PRDM11: variants seen among roughly 807,000 people sequenced by gnomAD.
PRDM11 encodes the protein PR domain-containing protein 11.
PRDM11 carries 20 observed loss-of-function variants against 97.8 expected under a neutral mutation model. That is an observed-to-expected ratio of 0.20 (90% CI 0.14 to 0.30). PRDM11 has a LOEUF of 0.30. PRDM11 is among the 10% of genes least tolerant of loss of function. PRDM11 has a pLI of 1.00. For synonymous variants in PRDM11, 599 were observed against 637.7 expected (o/e 0.94, Z 0.91); for missense variants, 1,139 against 1,555.2 (o/e 0.73, Z 4.50).
At chr11:45,159,829 T>C (rs1401604202) in intron 1 of PRDM11, among the ~76,000 whole-genome samples, 3 of 152,182 alleles carry the variant, frequency 2.0e-5, no homozygotes, top group Admixed American at 6.5e-5. Context: ...TCAGATCCTC[T>C]TAGGGACACA....
intron 1 of PRDM11, among the ~76,000 whole-genome samples, chr11:45,124,272 A>G (rs1852513858): frequency 6.6e-6 from 1 of 152,194 alleles, no homozygotes; most frequent in Non-Finnish European, 1.5e-5. Context: ...TAGATTTACA[A>G]TCATGTCATC....
Position 45,140,731 on chromosome 11 carries a change from T to C in PRDM11, c.97-41030T>C, listed in dbSNP as rs142639790. Among the ~76,000 whole-genome samples, 214 of 151,924 alleles carry C rather than the reference T, an allele frequency of 1.4e-3. 2 individuals are homozygous for C. Among genetic ancestry groups the C allele is most frequent in the East Asian group, 9.3e-3 (48 of 5,172 alleles). On this transcript the variant is annotated intron_variant, in intron 1 of 6. Transcript: ENST00000530656. ...TGAAGGTCTCTCAGGTTTAGGAGTGTGTGGCATTCAGGAGTCTTCCTGGAG... is the reference window on the plus strand; with the variant it reads ...TGAAGGTCTCTCAGGTTTAGGAGTGCGTGGCATTCAGGAGTCTTCCTGGAG...
intron 6 of PRDM11, among the ~76,000 whole-genome samples, chr11:45,222,836 T>C (rs1167954676): frequency 1.3e-5 from 2 of 152,182 alleles, no homozygotes; most frequent in Non-Finnish European, 2.9e-5. Context: ...GTTCAAGTCA[T>C]TGTTCAGCGG....
chr11:45,165,998 C>T lies in PRDM11; in HGVS notation c.-6-15763C>T, dbSNP rs377678349. ...CTGCTGTGCAGCCTTGTTCAAGCCACTTAACCTCTCTGAGCCTCCATTCCT... is the reference window on the plus strand; with the variant it reads ...CTGCTGTGCAGCCTTGTTCAAGCCATTTAACCTCTCTGAGCCTCCATTCCT... On this transcript the variant is annotated intron_variant, in intron 1 of 7. Coordinates refer to ENST00000683152, the MANE Select transcript of PRDM11 (RefSeq NM_001384648.1). 9.2e-5 allele frequency among the ~76,000 whole-genome samples: 14 copies of T among 152,362 alleles called. No homozygotes were observed. The East Asian group carries it at 2.1e-3, about 23-fold the overall frequency.
intron 1 of PRDM11, among the ~76,000 whole-genome samples, chr11:45,173,348 G>A (rs923675907): frequency 1.8e-4 from 27 of 152,124 alleles, no homozygotes; most frequent in Middle Eastern, 3.2e-3. Flanking sequence ...CTGGCTGGGC[G>A]CGGTAGCTCA....
chr11:45,095,902 G>T lies in PRDM11; in HGVS notation c.96+1G>T. ...TCTCTTCCTTTACCAGAGAGAGAAAGTAAGTTGTTTAAGCTGCTAATGTGG... is the reference window on the plus strand; with the variant it reads ...TCTCTTCCTTTACCAGAGAGAGAAATTAAGTTGTTTAAGCTGCTAATGTGG... On this transcript the variant is annotated splice_donor_variant, in intron 1 of 6. Transcript: ENST00000530656. LOFTEE classifies it high-confidence loss of function. 1 of 781,020 alleles carries T rather than the reference G, an allele frequency of 1.3e-6. No individual in the cohort carries two copies. Among genetic ancestry groups the T allele is most frequent in the Non-Finnish European group, 2.4e-6 (1 of 418,114 alleles). 48.4% of individuals were successfully genotyped at this position (781,020 alleles called of 1,614,324 possible). A position where few individuals can be genotyped will look rare whatever the true frequency, so the allele number is the denominator to read the frequency against.
At chr11:45,128,825 A>T (rs1852649586) in intron 1 of PRDM11, among the ~76,000 whole-genome samples, 1 of 152,140 alleles carries the variant, frequency 6.6e-6, no homozygotes, top group Admixed American at 6.5e-5. Flanking sequence ...TATAAACCTG[A>T]TTTTAAAAAT....
chr11:45,148,109 G>T (rs1487693650), intron 1 of PRDM11, among the ~76,000 whole-genome samples: 1 of 152,134 alleles, frequency 6.6e-6, no homozygotes, highest in Non-Finnish European at 1.5e-5. Context: ...CACAGTCTTT[G>T]CCCGCCGACT....
intron 1 of PRDM11, among the ~76,000 whole-genome samples, chr11:45,107,920 C>T (rs1852090964): frequency 6.6e-6 from 1 of 151,626 alleles, no homozygotes; most frequent in Non-Finnish European, 1.5e-5. Flanking sequence ...ACCTCCAACT[C>T]CAGGGTACAA....
In PRDM11 at chr11:45,219,764, G is replaced by A. The variant is rs927392110; in HGVS notation, c.742+7G>A. On this transcript the variant is annotated splice_region_variant and intron_variant, in intron 6 of 7. Transcript: ENST00000683152. This position sits in a 1 kb window ranked among gnomAD's most constrained non-coding sequence, Gnocchi z 4.2. Reference sequence around the variant, plus strand: ...CACCGCAACCTGGCCAGAGGTGAGTGCCATGCTCCACATGAGCTGCGCCCA... The same window carrying A: ...CACCGCAACCTGGCCAGAGGTGAGTACCATGCTCCACATGAGCTGCGCCCA... 9.3e-6 allele frequency: 15 copies of A among 1,611,340 alleles called. No individual in the cohort carries two copies. The highest frequency in any genetic ancestry group is 4.0e-5 in the African/African-American group (3 of 74,898).
At chr11:45,128,178 C>T (rs543488448) in intron 1 of PRDM11, among the ~76,000 whole-genome samples, 22 of 152,274 alleles carry the variant, frequency 1.4e-4, no homozygotes, top group African/African-American at 4.8e-4. Flanking sequence ...CCTGGTGTGC[C>T]GTTTTTTAAG....
Position 45,194,590 on chromosome 11 carries a change from C to CTTTTTTTTTTTTTTTT in PRDM11, c.487-10120_487-10119insTTTTTTTTTTTTTTTT, listed in dbSNP as rs1183339151. Among the ~76,000 whole-genome samples, 4 of 89,992 alleles carry CTTTTTTTTTTTTTTTT rather than the reference C, an allele frequency of 4.4e-5. 2 individuals carry two copies. 59.0% of individuals were successfully genotyped at this position (89,992 alleles called of 152,430 possible). On this transcript the variant is annotated intron_variant, in intron 4 of 7. Transcript: ENST00000683152. ...AGTACTGTGGGATAGTTATTATCTT[C>CTTTTTTTTTTTTTTTT]TGTTTTTTTTTTTTTTTTTTTTTTT...
At chr11:45,147,057 G>A (rs1332264092) in intron 1 of PRDM11, among the ~76,000 whole-genome samples, 180 bp downstream of exon 1, 1 of 146,394 alleles carries the variant, frequency 6.8e-6, no homozygotes, top group South Asian at 2.1e-4. Flanking sequence ...GGCGCGGGGT[G>A]GGGGGCGGCC....
intron 1 of PRDM11, among the ~76,000 whole-genome samples, chr11:45,180,718 G>C (rs1244238356): frequency 6.7e-6 from 1 of 149,808 alleles, no homozygotes; most frequent in Non-Finnish European, 1.5e-5. Context: ...GCCGGGCAGG[G>C]AGCTCCCCGC....
At chr11:45,130,038 T>C (rs1852683803) in intron 1 of PRDM11, among the ~76,000 whole-genome samples, 1 of 152,166 alleles carries the variant, frequency 6.6e-6, no homozygotes, top group South Asian at 2.1e-4. Context: ...GAGAATGCCT[T>C]TTAAATAAAT....
At chr11:45,162,370 CAGAGAGGCCCAAAGGGCCTCTCTG>C (rs1851951036) in intron 1 of PRDM11, among the ~76,000 whole-genome samples, 1 of 152,072 alleles carries the variant, frequency 6.6e-6, no homozygotes, top group East Asian at 1.9e-4. Context: ...AAGTAAGGCT[CAGAGAGGCCCAAAGGGCCTCTCTG>C]AGCTAGTGGA....
rs1852503635 is a variant in PRDM11, at chr11:45,181,638, C to G, written c.-6-123C>G. The G allele has an allele frequency of 5.5e-6, 4 of 727,934 alleles. No homozygotes were observed. The South Asian group carries it at 6.8e-5, about 12-fold the overall frequency. 45.1% of individuals were successfully genotyped at this position (727,934 alleles called of 1,614,324 possible). On this transcript the variant is annotated intron_variant, in intron 1 of 7. Coordinates refer to ENST00000683152, the MANE Select transcript of PRDM11 (RefSeq NM_001384648.1). ...TTGTCTGTGTTCTCAAGTGCTTCCT[C>G]TGGGGATGGCAGGGAGGGTAACCAG...
chr11:45,165,582 C>T (rs1402699748), intron 1 of PRDM11, among the ~76,000 whole-genome samples: 1 of 152,238 alleles, frequency 6.6e-6, no homozygotes, highest in Non-Finnish European at 1.5e-5. Flanking sequence ...AGAGTGAGTG[C>T]CTTGCCCTTG....
chr11:45,144,156 GTAAC>G (rs1851460195), upstream of PRDM11, among the ~76,000 whole-genome samples: 1 of 152,186 alleles, frequency 6.6e-6, no homozygotes, highest in Non-Finnish European at 1.5e-5. Context: ...CCTTGACTAT[GTAAC>G]TACAGGGGCA....
Sources: allele counts gnomAD v4.1 joint callset (sites outside exome capture counted in the v4.1 genomes callset), GRCh38; gene constraint gnomAD v4.1.1; non-coding constraint Gnocchi (gnomAD v3.1); transcripts MANE v1.5; gene names NCBI Gene and HGNC (gene_info 2026-07-23, HGNC 2026-07-21).